Variants in CDC42BPA observed in about 807,000 individuals in gnomAD.
CDC42BPA encodes serine/threonine-protein kinase MRCK alpha.
Under a neutral mutation model 223.5 loss-of-function variants are expected in CDC42BPA, and 80 were observed. That is an observed-to-expected ratio of 0.36 (90% CI 0.30 to 0.43). The LOEUF is 0.43. Ranked by LOEUF, CDC42BPA falls within the 20% of genes least tolerant of loss-of-function variation. CDC42BPA has a pLI of 1.00. For synonymous variants in CDC42BPA, 694 were observed against 718.6 expected, an observed-to-expected ratio of 0.97 and a Z score of 0.55; for missense variants, 1,743 against 2,099.9, an observed-to-expected ratio of 0.83 and a Z score of 3.32.
intron 23 of CDC42BPA, among the ~76,000 whole-genome samples, chr1:227,042,330 C>T (rs904527332): frequency 8.8e-5 from 12 of 136,210 alleles, no homozygotes; most frequent in African/African-American, 3.7e-4. Flanking sequence ...CACTTCCTCT[C>T]CAGCAAGAGA....
rs1312590548 is a variant in CDC42BPA at position 227,318,250 on chromosome 1, C to G, written c.-1068G>C. 1 of 152,626 alleles carries G rather than the reference C, an allele frequency of 6.6e-6. No homozygotes were observed. Among genetic ancestry groups the G allele is most frequent in the Admixed American group, 6.6e-5 (1 of 15,096 alleles). 9.5% of individuals were successfully genotyped at this position (152,626 alleles called of 1,614,324 possible). ...AGCTACTTCTCCCCCTTCTTCACAC[C>G]CCTGGGCTAAGGGCATCTTTCCACA... On this transcript the variant is annotated 5_prime_UTR_variant, in exon 1 of 37. Coordinates refer to ENST00000366766, the MANE Select transcript of CDC42BPA (RefSeq NM_001394014.1).
At chr1:227,028,377 T>C (rs1668658639) in intron 30 of CDC42BPA, among the ~76,000 whole-genome samples, 1 of 152,218 alleles carries the variant, frequency 6.6e-6, no homozygotes, top group African/African-American at 2.4e-5. Context: ...AATTCTGGGT[T>C]ATTTCAAAAT....
At chr1:227,187,799 G>A (rs147570443) in intron 5 of CDC42BPA, among the ~76,000 whole-genome samples, 4 of 149,882 alleles carry the variant, frequency 2.7e-5, no homozygotes, top group Middle Eastern at 3.5e-3. Context: ...TATGCATAGA[G>A]GAACAAAGAT....
intron 22 of CDC42BPA, among the ~76,000 whole-genome samples, chr1:227,049,037 G>A (rs1673027940): frequency 6.6e-6 from 1 of 151,886 alleles, no homozygotes; most frequent in African/African-American, 2.4e-5. Flanking sequence ...CTGTTTGTGA[G>A]TTTAGCTCTA....
At chr1:227,131,335 C>A (rs1357890676) in intron 10 of CDC42BPA, among the ~76,000 whole-genome samples, 1 of 152,166 alleles carries the variant, frequency 6.6e-6, no homozygotes, top group Non-Finnish European at 1.5e-5. Context: ...CATAATAATT[C>A]CATTCTACAT....
At chr1:227,052,202 A>ATTT (rs1461684897) in intron 21 of CDC42BPA, among the ~76,000 whole-genome samples, 1 of 152,196 alleles carries the variant, frequency 6.6e-6, no homozygotes, top group East Asian at 1.9e-4. Context: ...AGTTAACCAA[A>ATTT]GGCTCCTCCC....
intron 16 of CDC42BPA, among the ~76,000 whole-genome samples, chr1:227,082,037 GTTTT>G (rs1341563719): frequency 2.0e-5 from 3 of 151,388 alleles, no homozygotes; most frequent in Admixed American, 1.3e-4. Flanking sequence ...CTGGATATAT[GTTTT>G]TTTTGAGACA....
intron 33 of CDC42BPA, among the ~76,000 whole-genome samples, chr1:227,016,695 GTGAA>G (rs1666338219): frequency 6.6e-6 from 1 of 152,132 alleles, no homozygotes; most frequent in Non-Finnish European, 1.5e-5. Context: ...ACATAGAGAA[GTGAA>G]TGAAGTGAAT....
At chr1:227,133,101 C>CG (rs1423762177) in intron 10 of CDC42BPA, among the ~76,000 whole-genome samples, 1 of 150,776 alleles carries the variant, frequency 6.6e-6, no homozygotes, top group Non-Finnish European at 1.5e-5. Flanking sequence ...GGTCAGCCCC[C>CG]CGCCCGGCCA....
Position 227,318,068 on chromosome 1 carries a change from C to T in CDC42BPA, c.-886G>A. The T allele has an allele frequency of 3.7e-6, 1 of 266,818 alleles. No individual in the cohort carries two copies. 16.5% of individuals were successfully genotyped at this position (266,818 alleles called of 1,614,324 possible). The stretch of plus-strand genomic sequence containing the variant: ...TGTCGGTGGTCGCTCGTGGGCCGAG[C>T]CGCGCCGCGCCGCGCCGGGCAGAGA... On this transcript the variant is annotated 5_prime_UTR_variant, in exon 1 of 37. Transcript: ENST00000366766.
At chr1:227,239,182 T>C (rs999253331) in intron 2 of CDC42BPA, among the ~76,000 whole-genome samples, 4 of 152,190 alleles carry the variant, frequency 2.6e-5, no homozygotes, top group African/African-American at 9.7e-5. Flanking sequence ...ACAGGCTACA[T>C]ACTGTATCAT....
intron 14 of CDC42BPA, among the ~76,000 whole-genome samples, chr1:227,103,825 GTTAA>G (rs1187629211): frequency 6.6e-6 from 1 of 151,910 alleles, no homozygotes; most frequent in African/African-American, 2.4e-5. Flanking sequence ...AGATTAAACA[GTTAA>G]TTATTTTTAG....
intron 12 of CDC42BPA, among the ~76,000 whole-genome samples, chr1:227,113,583 A>G (rs1172347333): frequency 6.6e-6 from 1 of 152,190 alleles, no homozygotes; most frequent in African/African-American, 2.4e-5. Flanking sequence ...TAAAATCATT[A>G]GATATCAACA....
chr1:227,311,178 AC>A (rs11383535), intron 1 of CDC42BPA, among the ~76,000 whole-genome samples: 1 of 151,446 alleles, frequency 6.6e-6, no homozygotes, highest in Admixed American at 6.6e-5. Context: ...ACATAATGAG[AC>A]CCCCCATCTC....
chr1:227,183,807 T>C (rs994699409), intron 5 of CDC42BPA, among the ~76,000 whole-genome samples: 3 of 152,256 alleles, frequency 2.0e-5, no homozygotes, highest in Non-Finnish European at 2.9e-5. Flanking sequence ...ATTTTCTATT[T>C]CTACCAGCAA....
At chr1:227,232,802 A>AG (rs1042052220) in intron 2 of CDC42BPA, among the ~76,000 whole-genome samples, 11 of 152,190 alleles carry the variant, frequency 7.2e-5, no homozygotes, top group Non-Finnish European at 1.6e-4. Context: ...ACCCGGCTGT[A>AG]TGAGGTGTCA....
intron 3 of CDC42BPA, among the ~76,000 whole-genome samples, chr1:227,210,903 T>C (rs1408662281): frequency 1.3e-5 from 2 of 152,156 alleles, no homozygotes; most frequent in Non-Finnish European, 2.9e-5. Context: ...GGCAGGTGTA[T>C]AAAGGTCTAG....
chr1:227,190,925 A>G (rs573143522), intron 5 of CDC42BPA, among the ~76,000 whole-genome samples: 8 of 152,318 alleles, frequency 5.3e-5, no homozygotes, highest in South Asian at 4.1e-4. Context: ...ACAAATTGTT[A>G]TAACAGAGAA....
chr1:227,081,456 C>CTT (rs34665842), intron 16 of CDC42BPA, among the ~76,000 whole-genome samples: 15 of 145,844 alleles, frequency 1.0e-4, no homozygotes, highest in Admixed American at 4.8e-4. Context: ...TTCTCTCTCT[C>CTT]TTTTTTTTTT....
Sources: allele counts gnomAD v4.1 joint callset (sites outside exome capture counted in the v4.1 genomes callset), GRCh38; gene constraint gnomAD v4.1.1; transcripts MANE v1.5; gene names NCBI Gene and HGNC (gene_info 2026-07-23, HGNC 2026-07-21).